Variants in CCNH observed in about 807,000 individuals in gnomAD.
CCNH encodes the protein cyclin H.
Under a neutral mutation model 41.9 loss-of-function variants are expected in CCNH, and 31 were observed. The ratio of observed to expected loss-of-function variants is 0.74; its 90% confidence interval spans 0.56 to 1.00. The LOEUF is 1.00. Among genes scored for constraint, CCNH ranks in the 50% least tolerant of loss-of-function variants. The pLI is 0.00. For synonymous variants in CCNH, 138 were observed against 136.1 expected (o/e 1.01, Z -0.10); for missense variants, 362 against 388.4 (o/e 0.93, Z 0.57).
intron 9 of CCNH, chr5:87,341,304 T>G: frequency 1.5e-6 from 2 of 1,354,236 alleles, no homozygotes; most frequent in Non-Finnish European, 1.9e-6. Context: ...GGGAAGAAGA[T>G]CCACATGAAG....
chr5:87,376,982 C>A, exon 1 of CCNH: 3 of 1,613,506 alleles, frequency 1.9e-6, no homozygotes, highest in Non-Finnish European at 2.5e-6. Flanking sequence ...TTTTTCTTCA[C>A]GAAAAGCTTG....
intron 9 of CCNH, among the ~76,000 whole-genome samples, chr5:87,340,275 A>C (rs1179790536): frequency 6.6e-6 from 1 of 152,038 alleles, no homozygotes; most frequent in East Asian, 1.9e-4. Context: ...CTTAGGCAAA[A>C]TTGTTTCCTT....
rs1561292521 is a variant in CCNH at position 87,338,535 on chromosome 5, A to ATTT, written c.*91-19639_*91-19638insAAA. ...TATATATATATATATATATATATAA[A>ATTT]ATTTTTTTTTTTTTTAAGTAGAAAT... On this transcript the variant is annotated intron_variant and NMD_transcript_variant, in intron 9 of 9. Coordinates refer to the CCNH transcript ENST00000645953. Among the ~76,000 whole-genome samples the ATTT allele has an allele frequency of 7.6e-3, 727 of 95,858 alleles. 24 individuals are homozygous for ATTT. The highest frequency in any genetic ancestry group is 0.018 in the Middle Eastern group (3 of 166). The allele number at this position is 95,858 out of a possible 152,430, so 62.9% of individuals were successfully genotyped here.
At chr5:87,350,567 G>A (rs7712333) in intron 9 of CCNH, among the ~76,000 whole-genome samples, 1 of 151,494 alleles carries the variant, frequency 6.6e-6, no homozygotes, top group East Asian at 1.9e-4. Flanking sequence ...ACACAAAACT[G>A]GAAATTCTTC....
intron 9 of CCNH, among the ~76,000 whole-genome samples, chr5:87,362,277 A>G (rs748768071): frequency 6.6e-6 from 1 of 152,198 alleles, no homozygotes; most frequent in Non-Finnish European, 1.5e-5. Flanking sequence ...GTATTCGAAA[A>G]TAGCTTATTA....
In CCNH at chr5:87,408,085, G is replaced by A. The variant is rs777825509; in HGVS notation, c.416C>T (p.Ala139Val). Residue 139 changes from alanine (A) to valine (V), a missense_variant, in exon 4 of 9, where the codon GCA becomes GTA. Ala to Val is a moderately conservative substitution (Grantham distance 64). Transcript: ENST00000256897. The part of the protein sequence containing the change: ...LRESPLGQEK[A>V]LEQILEYELL... Reference sequence around the variant, plus strand: ...TTCATATTCCAGTATCTGTTCAAGTGCCTTCTCCTGTCCAAGAGGACTCTC... The same window carrying A: ...TTCATATTCCAGTATCTGTTCAAGTACCTTCTCCTGTCCAAGAGGACTCTC... The A allele has an allele frequency of 6.2e-7, 1 of 1,612,462 alleles. No individual in the cohort carries two copies. The highest frequency in any genetic ancestry group is 1.1e-5 in the South Asian group (1 of 91,040).
At chr5:87,337,197 T>C (rs2112384114) in intron 9 of CCNH, among the ~76,000 whole-genome samples, 1 of 152,236 alleles carries the variant, frequency 6.6e-6, no homozygotes, top group East Asian at 1.9e-4. Flanking sequence ...GAATTACTAA[T>C]GGTTTTATAT....
intron 9 of CCNH, among the ~76,000 whole-genome samples, chr5:87,324,009 C>G (rs571392867): frequency 1.3e-5 from 2 of 152,264 alleles, no homozygotes; most frequent in East Asian, 3.9e-4. Flanking sequence ...CTGTTATATT[C>G]TACCATGTAG....
chr5:87,374,462 T>A (rs868231111), downstream of CCNH: 6,618 of 258,334 alleles, frequency 0.026, 68 homozygotes, highest in Middle Eastern at 0.041. Context: ...TATATATATT[T>A]TTTTTTTTTT....
downstream of CCNH, chr5:87,394,252 T>C: frequency 7.9e-7 from 1 of 1,264,152 alleles, no homozygotes; most frequent in Non-Finnish European, 1.0e-6. Flanking sequence ...ATAAGAATAT[T>C]CAAAACAGGT....
At chr5:87,410,140 A>G (rs1323229839) in intron 2 of CCNH, among the ~76,000 whole-genome samples, 1 of 152,218 alleles carries the variant, frequency 6.6e-6, no homozygotes, top group Admixed American at 6.5e-5. Flanking sequence ...CTATTTTATG[A>G]TAGAAAAAAG....
intron 9 of CCNH, among the ~76,000 whole-genome samples, chr5:87,357,447 A>G (rs549491797): frequency 3.9e-5 from 6 of 152,256 alleles, no homozygotes; most frequent in African/African-American, 1.4e-4. Flanking sequence ...AAATTAAATC[A>G]TACATTTCCC....
Position 87,376,983 on chromosome 5 carries a change from G to A in CCNH, n.198C>T, listed in dbSNP as rs764802465. The stretch of plus-strand genomic sequence containing the variant: ...CATCCTACTGAGGATTTTTCTTCAC[G>A]AAAAGCTTGAATCGTTGTTGTTATG... On this transcript the variant is annotated non_coding_transcript_exon_variant, in exon 1 of 1. Coordinates refer to the CCNH transcript ENST00000607486. 29 of 1,613,616 alleles carry A rather than the reference G, an allele frequency of 1.8e-5. No individual in the cohort carries two copies. The highest frequency in any genetic ancestry group is 1.7e-4 in the Middle Eastern group (1 of 6,054).
chr5:87,383,415 T>C (rs1163214186), intron 9 of CCNH, among the ~76,000 whole-genome samples: 47 of 152,144 alleles, frequency 3.1e-4, no homozygotes, highest in Non-Finnish European at 5.9e-5. Context: ...GAATAATAAA[T>C]AGTAAGCAAG....
chr5:87,361,687 A>G, intron 9 of CCNH, among the ~76,000 whole-genome samples: 1 of 152,186 alleles, frequency 6.6e-6, no homozygotes, highest in Non-Finnish European at 1.5e-5. Flanking sequence ...CTATAATGTA[A>G]CATATGCATT....
rs1764219917 is a variant in CCNH, at chr5:87,411,312, T to C, written c.152A>G (p.His51Arg). The change falls in exon 2 of 9, where the codon CAT (histidine) becomes CGT (arginine). Residue 51 changes from histidine (H) to arginine (R), a missense_variant. Transcript: ENST00000256897. ...LPNDPVFLEP[H>R]EEMTLCKYYE... Reference sequence around the variant, plus strand: ...GTATTTGCAGAGTGTCATTTCTTCATGAGGCTCAAGAAAGACTGGATCATT... The same window carrying C: ...GTATTTGCAGAGTGTCATTTCTTCACGAGGCTCAAGAAAGACTGGATCATT... 2 of 1,612,444 alleles carry C rather than the reference T, an allele frequency of 1.2e-6. No individual in the cohort carries two copies. The highest frequency in any genetic ancestry group is 1.3e-5 in the African/African-American group (1 of 74,858).
chr5:87,372,715 T>A (rs748667815), downstream of CCNH, among the ~76,000 whole-genome samples: 1 of 152,188 alleles, frequency 6.6e-6, no homozygotes, highest in Non-Finnish European at 1.5e-5. Flanking sequence ...AGGGTAACTT[T>A]ATAACCTCCA....
chr5:87,360,975 TTA>T, intron 9 of CCNH, among the ~76,000 whole-genome samples: 1 of 152,344 alleles, frequency 6.6e-6, no homozygotes, highest in African/African-American at 2.4e-5. Flanking sequence ...AGATGGCCTT[TTA>T]TGTTTTTACA....
In CCNH at chr5:87,336,516, G is replaced by C. The variant is rs1757982779; in HGVS notation, c.*91-17619C>G. Among the ~76,000 whole-genome samples the C allele has an allele frequency of 2.0e-5, 3 of 151,938 alleles. No homozygotes were observed. The South Asian group carries it at 6.2e-4, about 32-fold the overall frequency. ...CCTTAAAAATTAATGATTTAATAAA[G>C]CACTTTAGCCTGTTTTAGGGGGGAT... On this transcript the variant is annotated intron_variant and NMD_transcript_variant, in intron 9 of 9. Transcript: ENST00000645953.
Sources: gnomAD v4.1 joint callset for allele counts (sites outside exome capture counted in the v4.1 genomes callset) on GRCh38, gnomAD v4.1.1 for gene constraint, MANE v1.5 for transcripts, NCBI Gene and HGNC (gene_info 2026-07-23, HGNC 2026-07-21) for gene names.